FANCA: variants seen among roughly 807,000 people sequenced by gnomAD.
FANCA encodes the protein FA complementation group A.
A neutral mutation model predicts 194.3 loss-of-function variants in FANCA; 236 were observed. That is an observed-to-expected ratio of 1.21 (90% CI 1.09 to 1.35). FANCA has a LOEUF of 1.35. Among genes scored for constraint, FANCA ranks in the 40% most tolerant of loss-of-function variants. The pLI is 0.00. For synonymous variants in FANCA, 1,014 were observed against 715.8 expected (o/e 1.42, Z -6.65); for missense variants, 2,628 against 1,813.9 (o/e 1.45, Z -8.15).
intron 17 of FANCA, among the ~76,000 whole-genome samples, chr16:89,781,957 A>C (rs1448783000): frequency 1.3e-5 from 2 of 151,198 alleles, no homozygotes; most frequent in African/African-American, 2.4e-5. Context: ...CAGTGAGCCG[A>C]GACTGCGCCA....
At chr16:89,789,149 G>A (rs1332234238) in intron 14 of FANCA, among the ~76,000 whole-genome samples, 5 of 151,966 alleles carry the variant, frequency 3.3e-5, no homozygotes, top group Admixed American at 6.6e-5. Context: ...GAAGCCCCAG[G>A]CTAACTGGGC....
At chr16:89,799,714 T>C (rs967170033) in intron 8 of FANCA, 76 bp from the exon 9 acceptor site, 8 of 1,233,464 alleles carry the variant, frequency 6.5e-6, no homozygotes, top group Non-Finnish European at 9.5e-6. Context: ...CACAAGAGAA[T>C]TATTACTTGT....
intron 6 of FANCA, 95 bp downstream of exon 6, chr16:89,808,199 A>G (rs2040737707): frequency 8.3e-7 from 1 of 1,200,622 alleles, no homozygotes; most frequent in Admixed American, 1.7e-5. Flanking sequence ...TGTCAAAGCC[A>G]GAAATCAAAC....
chr16:89,760,031 C>G (rs1297177142), intron 29 of FANCA, among the ~76,000 whole-genome samples: 1 of 152,180 alleles, frequency 6.6e-6, no homozygotes, highest in Non-Finnish European at 1.5e-5. Flanking sequence ...CTGGGGTGCT[C>G]CACCCACACT....
intron 10 of FANCA, among the ~76,000 whole-genome samples, chr16:89,797,047 C>A (rs1028125445): frequency 1.3e-5 from 2 of 152,162 alleles, no homozygotes; most frequent in Non-Finnish European, 2.9e-5. Flanking sequence ...GTAGTTCCAG[C>A]TACTCGGGAG....
Position 89,810,737 on chromosome 16 carries a change from A to C in FANCA, c.492T>G (p.Leu164=), listed in dbSNP as rs951810885. The change falls in exon 5 of 43, where the codon CTT becomes CTG. Residue 164 remains leucine (L), a synonymous_variant. Coordinates refer to ENST00000389301, the MANE Select transcript of FANCA (RefSeq NM_000135.4). The part of the protein sequence containing the change: ...YLLAHSMFSR[L]SFCQELWKIQ... The stretch of plus-strand genomic sequence containing the variant: ...TTTTCCATAATTCTTGACAGAAGGA[A>C]AGACGGGAGAACATACTGTGTGCCA... 1.9e-6 allele frequency: 3 copies of C among 1,612,548 alleles called. No homozygotes were observed. In the African/African-American group the frequency reaches 4.0e-5, roughly 22 times the overall value.
chr16:89,792,740 C>T lies in FANCA; in HGVS notation c.1007-193G>A, dbSNP rs189906905. On this transcript the variant is annotated intron_variant, in intron 11 of 42. Transcript: ENST00000389301. ...CCGGGGGACCACTACCATCAATGCG[C>T]GGAGACCGGTAGTGGCCCTGAATGT... The T allele has an allele frequency of 6.2e-3, 3,381 of 547,320 alleles. 39 individuals carry two copies. Among genetic ancestry groups the T allele is most frequent in the South Asian group, 0.016 (912 of 56,470 alleles). 33.9% of individuals were successfully genotyped at this position (547,320 alleles called of 1,614,324 possible). A position where few individuals can be genotyped will look rare whatever the true frequency, so the allele number is the denominator to read the frequency against.
Position 89,738,325 on chromosome 16 carries a change from G to T in FANCA, c.*276C>A, listed in dbSNP as rs1012078925. 4.6e-6 allele frequency: 7 copies of T among 1,508,904 alleles called. No homozygotes were observed. Among genetic ancestry groups the T allele is most frequent in the African/African-American group, 1.4e-5 (1 of 72,436 alleles). 93.5% of individuals were successfully genotyped at this position (1,508,904 alleles called of 1,614,324 possible). A position where few individuals can be genotyped will look rare whatever the true frequency, so the allele number is the denominator to read the frequency against. On this transcript the variant is annotated 3_prime_UTR_variant, in exon 43 of 43. Coordinates refer to ENST00000389301, the MANE Select transcript of FANCA (RefSeq NM_000135.4). ...TCAGCCTCACCCTTCGTGTGCACCC[G>T]CATGGGAGGGTCGGAGGGTGCTGCC...
At position 89,774,994 on chromosome 16, in the gene FANCA, T is replaced by C. The variant is rs141318071; in HGVS notation, c.1900+748A>G. Among the ~76,000 whole-genome samples, 1,470 of 151,634 alleles carry C rather than the reference T, an allele frequency of 9.7e-3. 25 individuals are homozygous for C. Among genetic ancestry groups the C allele is most frequent in the African/African-American group, 0.033 (1,383 of 41,294 alleles). On this transcript the variant is annotated intron_variant, in intron 21 of 42. Transcript: ENST00000389301. ...CTATAATCCCAGCTATTACAGAGGC[T>C]GAGGCAGGAGAACTGCTTGAACCCA...
Position 89,738,807 on chromosome 16 carries a change from A to G in FANCA, c.4260+75T>C, listed in dbSNP as rs559788532. On this transcript the variant is annotated intron_variant, in intron 42 of 42. Transcript: ENST00000389301. ...AAATAGTCGAGTTGTATTGCCAGCC[A>G]GGCAGGCACATGGCCCAGGCAGCTG... 11 of 1,613,844 alleles carry G rather than the reference A, an allele frequency of 6.8e-6. No homozygotes were observed. The African/African-American group carries it at 1.1e-4, about 16-fold the overall frequency.
intron 7 of FANCA, 149 bp from the exon 8 acceptor site, chr16:89,803,490 C>T (rs766184362): frequency 4.1e-6 from 3 of 731,008 alleles, no homozygotes; most frequent in Non-Finnish European, 7.3e-6. Context: ...CTGAGGAACG[C>T]TGCAGAAGTT....
intron 36 of FANCA, 91 bp downstream of exon 36, chr16:89,744,868 C>A: frequency 1.6e-6 from 2 of 1,234,734 alleles, no homozygotes; most frequent in South Asian, 2.5e-5. Flanking sequence ...CACCGCTTCT[C>A]TCAAGCAAGC....
At position 89,749,894 on chromosome 16, in the gene FANCA, T is replaced by A. The variant is rs780769017; in HGVS notation, c.3075A>T (p.Val1025=). The A allele has an allele frequency of 2.5e-6, 4 of 1,614,064 alleles. No individual in the cohort carries two copies. The highest frequency in any genetic ancestry group is 3.4e-6 in the Non-Finnish European group (4 of 1,180,006). Residue 1025 remains valine, a synonymous_variant, in exon 32 of 43, where the codon GTA becomes GTT. Transcript: ENST00000389301. ...EDIISRLQEM[V]ADLELQQDLI... is the part of the protein sequence containing the mutation. ...GGTCTTGCTGCAGCTCCAGGTCAGCTACCATCTCCTGAAAAAGAGCAGTAT... is the reference window on the plus strand; with the variant it reads ...GGTCTTGCTGCAGCTCCAGGTCAGCAACCATCTCCTGAAAAAGAGCAGTAT...
At chr16:89,769,747 G>T (rs2039255999) in intron 26 of FANCA, 90 bp downstream of exon 26, 4 of 1,442,248 alleles carry the variant, frequency 2.8e-6, no homozygotes, top group Non-Finnish European at 2.9e-6. Flanking sequence ...TGGTATGTCT[G>T]CATGTCTGTC....
At chr16:89,803,770 G>A (rs369633576) in intron 7 of FANCA, among the ~76,000 whole-genome samples, 48 of 151,852 alleles carry the variant, frequency 3.2e-4, no homozygotes, top group Non-Finnish European at 4.9e-4. Flanking sequence ...TATAGGCGCC[G>A]CCACCACACC....
intron 30 of FANCA, among the ~76,000 whole-genome samples, chr16:89,754,430 T>C (rs1246613888): frequency 6.6e-6 from 1 of 152,196 alleles, no homozygotes; most frequent in Non-Finnish European, 1.5e-5. Flanking sequence ...GGAGTTGCAG[T>C]GGCATGATCT....
Position 89,758,683 on chromosome 16 carries a change from T to A in FANCA, c.2875A>T (p.Ile959Phe). ...TERQDFHQWA[I>F]HEHFLPESSA... ...GACTCAGGGAGAAAGTGCTCATGGA[T>A]CGCCCACTGGTGGAAGTCCTGCCTA... is the stretch of plus-strand genomic sequence containing the variant. Residue 959 changes from isoleucine (I) to phenylalanine (F), a missense_variant, in exon 30 of 43, where the codon ATC (isoleucine) becomes TTC (phenylalanine). Coordinates refer to ENST00000389301, the MANE Select transcript of FANCA (RefSeq NM_000135.4). The A allele has an allele frequency of 1.2e-6, 2 of 1,613,918 alleles. No homozygotes were observed. The highest frequency in any genetic ancestry group is 8.5e-7 in the Non-Finnish European group (1 of 1,179,874).
At chr16:89,751,335 A>C (rs1432703113) in intron 31 of FANCA, among the ~76,000 whole-genome samples, 1 of 152,090 alleles carries the variant, frequency 6.6e-6, no homozygotes, top group Non-Finnish European at 1.5e-5. Context: ...CTCCGTCTCT[A>C]CAAAAAATCA....
chr16:89,737,585 A>C lies in FANCA; in HGVS notation c.*1016T>G. ...GCTTTCTGAGGTTTCTTTAAAAACCATCCTGAAATGCACACAGCTGATGAA... is the reference window on the plus strand; with the variant it reads ...GCTTTCTGAGGTTTCTTTAAAAACCCTCCTGAAATGCACACAGCTGATGAA... On this transcript the variant is annotated 3_prime_UTR_variant, in exon 43 of 43. Coordinates refer to ENST00000389301, the MANE Select transcript of FANCA (RefSeq NM_000135.4). 1.3e-6 allele frequency: 1 copy of C among 791,738 alleles called. No individual in the cohort carries two copies. Among genetic ancestry groups the C allele is most frequent in the South Asian group, 2.1e-5 (1 of 47,592 alleles). The allele number at this position is 791,738 out of a possible 1,614,324, so 49.0% of individuals were successfully genotyped here.
Sources: allele counts gnomAD v4.1 joint callset (sites outside exome capture counted in the v4.1 genomes callset), GRCh38; gene constraint gnomAD v4.1.1; transcripts MANE v1.5; gene names NCBI Gene and HGNC (gene_info 2026-07-23, HGNC 2026-07-21).